Variants in HHIP observed in about 807,000 individuals in gnomAD.
HHIP encodes hedgehog interacting protein.
In HHIP, 12 loss-of-function variants were observed where a neutral mutation model predicts 74.0. The observed-to-expected ratio is 0.16, with a 90% CI of 0.10 to 0.26. The LOEUF (loss-of-function observed/expected upper bound fraction) is 0.26, where lower values mean the gene tolerates loss of function less well. HHIP is among the 10% of genes least tolerant of loss of function. The probability of loss-of-function intolerance (pLI) is 1.00; values close to 1 mark genes in which losing one functional copy is unlikely to be tolerated. For missense variants in HHIP, 788 were observed against 845.0 expected, an observed-to-expected ratio of 0.93 and a Z score of 0.84; for synonymous variants, 309 against 311.6, an observed-to-expected ratio of 0.99 and a Z score of 0.09.
chr4:144,679,416 C>T (rs1722472642), intron 4 of HHIP, among the ~76,000 whole-genome samples: 2 of 152,210 alleles, frequency 1.3e-5, no homozygotes, highest in South Asian at 4.2e-4. Context: ...CTATTTTTTG[C>T]CATTGCTTTT....
chr4:144,708,265 A>G lies in HHIP; in HGVS notation c.1255A>G (p.Asn419Asp). The stretch of plus-strand genomic sequence containing the variant: ...GAGCAACCCACACTTCAACAGCACC[A>G]ACCAGCCCCCCGAAGTGTTTGCTCA... ...PRSNPHFNST[N>D]QPPEVFAHGL... Residue 419 changes from asparagine (N) to aspartate (D), a missense_variant, in exon 7 of 13, where the codon AAC becomes GAC. This residue lies in a region of HHIP where 343 missense variants were observed against 347.9 expected (regional missense o/e 0.99). Coordinates refer to ENST00000296575, the MANE Select transcript of HHIP (RefSeq NM_022475.3). 6.2e-7 allele frequency: 1 copy of G among 1,614,182 alleles called. No homozygotes were observed. The highest frequency in any genetic ancestry group is 8.5e-7 in the Non-Finnish European group (1 of 1,180,014).
intron 4 of HHIP, among the ~76,000 whole-genome samples, chr4:144,662,930 A>C (rs550356891): frequency 6.6e-6 from 1 of 152,166 alleles, no homozygotes; most frequent in African/African-American, 2.4e-5. Flanking sequence ...TGATAGACTA[A>C]TGCCTCTAAT....
intron 7 of HHIP, 105 bp downstream of exon 7, chr4:144,708,416 T>C (rs998153011): frequency 3.4e-6 from 4 of 1,167,698 alleles, no homozygotes; most frequent in African/African-American, 3.0e-5. Context: ...CAGCCAAAGG[T>C]AGTATCTAAG....
Position 144,718,875 on chromosome 4 carries a change from G to A in HHIP, c.1679G>A (p.Gly560Asp). Residue 560 changes from glycine (G) to aspartate (D), a missense_variant and splice_region_variant, in exon 11 of 13, where the codon GGT becomes GAT. Around this residue, in one of 3 missense-constraint regions of HHIP, gnomAD observed 343 missense variants for 347.9 expected, o/e 0.99. Transcript: ENST00000296575. ...TTATTGTTATTTCTTTCTTTAACAGGTGAAGTTTACATTTTATCAAGCAGT... is the reference window on the plus strand; with the variant it reads ...TTATTGTTATTTCTTTCTTTAACAGATGAAGTTTACATTTTATCAAGCAGT... ...HILGFGEDEL[G>D]EVYILSSSKS... The A allele has an allele frequency of 6.3e-7, 1 of 1,597,802 alleles. No homozygotes were observed. The highest frequency in any genetic ancestry group is 8.6e-7 in the Non-Finnish European group (1 of 1,165,530).
intron 4 of HHIP, among the ~76,000 whole-genome samples, chr4:144,669,803 A>G (rs1728980869): frequency 7.8e-6 from 1 of 127,486 alleles, no homozygotes. Flanking sequence ...TCTTGTGGTA[A>G]GAGTTTTTTC....
At chr4:144,705,116 T>C (rs551018370) in intron 4 of HHIP, among the ~76,000 whole-genome samples, 1 of 152,340 alleles carries the variant, frequency 6.6e-6, no homozygotes, top group African/African-American at 2.4e-5. Flanking sequence ...TTTTAATATT[T>C]GTATGTTCTG....
At chr4:144,648,099 T>C (rs1419000113) in intron 1 of HHIP, 1 of 152,192 alleles carries the variant, frequency 6.6e-6, no homozygotes, top group African/African-American at 2.4e-5. Context: ...GTCTGGGTGG[T>C]ATCTCTCACT....
intron 11 of HHIP, among the ~76,000 whole-genome samples, chr4:144,722,623 T>C (rs2126675651): frequency 6.6e-6 from 1 of 152,116 alleles, no homozygotes; most frequent in South Asian, 2.1e-4. Flanking sequence ...GAGGCCGAGA[T>C]GGGAGGATCA....
At chr4:144,676,840 C>T (rs1054206457) in intron 4 of HHIP, among the ~76,000 whole-genome samples, 3 of 152,152 alleles carry the variant, frequency 2.0e-5, no homozygotes, top group Admixed American at 6.5e-5. Flanking sequence ...TAACCAAAGT[C>T]TTGGAGATGC....
chr4:144,652,878 A>C, intron 2 of HHIP, 81 bp downstream of exon 2: 1 of 918,858 alleles, frequency 1.1e-6, no homozygotes. Flanking sequence ...GCTTATTTAC[A>C]AAACTTGTAA....
At chr4:144,721,476 A>T (rs1730632247) in intron 11 of HHIP, among the ~76,000 whole-genome samples, 1 of 152,114 alleles carries the variant, frequency 6.6e-6, no homozygotes, top group African/African-American at 2.4e-5. Flanking sequence ...AGTTCAAATC[A>T]ATTACAGTGT....
intron 4 of HHIP, among the ~76,000 whole-genome samples, chr4:144,663,785 T>C (rs1728782317): frequency 6.6e-6 from 1 of 152,180 alleles, no homozygotes; most frequent in South Asian, 2.1e-4. Context: ...GTTGGCAAAA[T>C]TGCTATTGTT....
intron 8 of HHIP, 89 bp from the exon 9 acceptor site, chr4:144,714,136 A>C: frequency 8.8e-7 from 1 of 1,132,806 alleles, no homozygotes; most frequent in Non-Finnish European, 1.3e-6. Context: ...TTTCAGAGTT[A>C]AATTACTATA....
Position 144,742,979 on chromosome 4 carries a change from A to C in HHIP, c.*5022A>C, listed in dbSNP as rs1731301420. The C allele has an allele frequency of 2.0e-3, 4 of 2,014 alleles. No homozygotes were observed. Among genetic ancestry groups the C allele is most frequent in the Non-Finnish European group, 3.5e-3 (3 of 852 alleles). 0.1% of individuals were successfully genotyped at this position (2,014 alleles called of 1,614,324 possible). A position where few individuals can be genotyped will look rare whatever the true frequency, so the allele number is the denominator to read the frequency against. ...ATACATATAAGATATATGTATATAT[A>C]TATACATTATATATATATAATATAT... On this transcript the variant is annotated 3_prime_UTR_variant, in exon 13 of 13. Coordinates refer to ENST00000296575, the MANE Select transcript of HHIP (RefSeq NM_022475.3).
rs141784107 is a variant in HHIP, at chr4:144,724,385, G to A, written c.1760+5429G>A. On this transcript the variant is annotated intron_variant, in intron 11 of 12. Transcript: ENST00000296575. ...TTTTATTCCAAGTGCTGACAGATTT[G>A]TATTTATAAAATGCAAAACTACTTC... Among the ~76,000 whole-genome samples, 256 of 152,046 alleles carry A rather than the reference G, an allele frequency of 1.7e-3. 2 individuals carry two copies. The highest frequency in any genetic ancestry group is 5.8e-3 in the African/African-American group (241 of 41,494).
chr4:144,688,696 A>T (rs956672716), intron 4 of HHIP, among the ~76,000 whole-genome samples: 1 of 152,196 alleles, frequency 6.6e-6, no homozygotes, highest in African/African-American at 2.4e-5. Flanking sequence ...AAACTGGTAG[A>T]TGTTAATTAA....
At chr4:144,727,392 T>C (rs1277083366) in intron 11 of HHIP, among the ~76,000 whole-genome samples, 1 of 152,152 alleles carries the variant, frequency 6.6e-6, no homozygotes, top group East Asian at 1.9e-4. Context: ...GGCCTCAATA[T>C]GTGATTTTGG....
chr4:144,712,737 T>C (rs1250675739), intron 8 of HHIP, among the ~76,000 whole-genome samples: 2 of 152,152 alleles, frequency 1.3e-5, no homozygotes, highest in African/African-American at 4.8e-5. Flanking sequence ...ATATCAACCA[T>C]TATTATGATT....
chr4:144,649,720 C>T (rs191626947), intron 1 of HHIP, among the ~76,000 whole-genome samples: 1 of 152,274 alleles, frequency 6.6e-6, no homozygotes, highest in Admixed American at 6.5e-5. Context: ...ACAGCCAAAG[C>T]TGTCAAGGAA....
Sources: allele counts gnomAD v4.1 joint callset (sites outside exome capture counted in the v4.1 genomes callset), GRCh38; gene constraint gnomAD v4.1.1; regional missense constraint gnomAD v4.1.1; transcripts MANE v1.5; gene names NCBI Gene and HGNC (gene_info 2026-07-23, HGNC 2026-07-21).